Variants in CCDC198 observed in about 807,000 individuals in gnomAD.
The protein encoded by CCDC198 is factor associated with metabolism and energy.
In CCDC198, 18 loss-of-function variants were observed where a neutral mutation model predicts 35.6. That is an observed-to-expected ratio of 0.51 (90% confidence interval 0.35 to 0.75). The LOEUF (loss-of-function observed/expected upper bound fraction) is 0.75, where lower values mean the gene tolerates loss of function less well. Among genes scored for constraint, CCDC198 ranks in the 30% least tolerant of loss-of-function variants. The pLI is 0.01. For missense variants in CCDC198, 365 were observed against 343.7 expected (o/e 1.06, Z -0.49); for synonymous variants, 119 against 113.4 (o/e 1.05, Z -0.31).
chr14:57,477,581 C>T (rs1002492882), intron 5 of CCDC198, among the ~76,000 whole-genome samples: 1 of 152,064 alleles, frequency 6.6e-6, no homozygotes, highest in South Asian at 2.1e-4. Flanking sequence ...TTATCTAGTC[C>T]ATCTAAGTTT....
At position 57,493,687 on chromosome 14, in the gene CCDC198, A is replaced by AG. The variant is rs772754262; in HGVS notation, c.28dup (p.Leu10ProfsTer2). The AG allele has an allele frequency of 3.7e-6, 6 of 1,613,578 alleles. No individual in the cohort carries two copies. The highest frequency in any genetic ancestry group is 1.1e-5 in the South Asian group (1 of 91,084). ...CAAAGGTGCTACTTTGATCACCCTA[A>AG]GGTGAGTCTTAGAGTGACTCAGGCC... On this transcript the variant is annotated frameshift_variant, in exon 1 of 6. Coordinates refer to ENST00000216445, the MANE Select transcript of CCDC198 (RefSeq NM_018168.4). LOFTEE classifies it high-confidence loss of function.
intron 2 of CCDC198, among the ~76,000 whole-genome samples, chr14:57,486,431 A>C (rs985008989): frequency 6.6e-6 from 1 of 151,864 alleles, no homozygotes; most frequent in Non-Finnish European, 1.5e-5. Flanking sequence ...TTTCTGCACT[A>C]TATGTTATCC....
At chr14:57,479,177 G>C (rs561196058) in intron 5 of CCDC198, among the ~76,000 whole-genome samples, 3 of 152,176 alleles carry the variant, frequency 2.0e-5, no homozygotes, top group African/African-American at 7.2e-5. Flanking sequence ...GGCTGGGTGC[G>C]AGAGTGGCAG....
chr14:57,471,715 TTATATATATATATAATA>T (rs951847153), intron 5 of CCDC198, 125 bp from the exon 6 acceptor site: 23 of 138,400 alleles, frequency 1.7e-4, no homozygotes, highest in African/African-American at 8.5e-4. Context: ...GTTTGAAAAA[TTATATATATATATAATA>T]TATATATATA....
intron 5 of CCDC198, among the ~76,000 whole-genome samples, chr14:57,478,087 C>T (rs2067063303): frequency 6.6e-6 from 1 of 152,118 alleles, no homozygotes; most frequent in Non-Finnish European, 1.5e-5. Context: ...TTGGTTCCTG[C>T]CTGAGTTACT....
At chr14:57,473,709 A>G (rs1483226713) in intron 5 of CCDC198, among the ~76,000 whole-genome samples, 1 of 152,132 alleles carries the variant, frequency 6.6e-6, no homozygotes, top group Non-Finnish European at 1.5e-5. Flanking sequence ...GTGTAGACAG[A>G]GTGACATTTA....
At chr14:57,472,478 A>T (rs1342661158) in intron 5 of CCDC198, among the ~76,000 whole-genome samples, 1 of 152,208 alleles carries the variant, frequency 6.6e-6, no homozygotes, top group Non-Finnish European at 1.5e-5. Flanking sequence ...AATATTGCAC[A>T]GGTGACATTG....
At chr14:57,475,292 A>G (rs1566572617) in intron 5 of CCDC198, 1 of 780,806 alleles carries the variant, frequency 1.3e-6, no homozygotes, top group Non-Finnish European at 1.6e-6. Flanking sequence ...AAATAAATAA[A>G]TAAATAAAAT....
chr14:57,480,458 T>G, intron 5 of CCDC198, 137 bp downstream of exon 5: 1 of 1,220,824 alleles, frequency 8.2e-7, no homozygotes, highest in Non-Finnish European at 1.1e-6. Flanking sequence ...ATGCCCACTA[T>G]ATTCTGGGAA....
At chr14:57,474,159 C>T (rs377655547) in intron 5 of CCDC198, among the ~76,000 whole-genome samples, 25 of 152,310 alleles carry the variant, frequency 1.6e-4, no homozygotes, top group African/African-American at 5.3e-4. Context: ...TACAATGAAA[C>T]GACCACACAA....
Position 57,481,496 on chromosome 14 carries a change from A to T in CCDC198, c.495+63T>A, listed in dbSNP as rs1002995976. ...CTGGCTATCTATGCTTGATATATTC[A>T]TGTGGCAGGGCAGTGATTATGTGAT... On this transcript the variant is annotated intron_variant, in intron 4 of 5. Transcript: ENST00000216445. 10 of 1,124,060 alleles carry T rather than the reference A, an allele frequency of 8.9e-6. No individual in the cohort carries two copies. In the Admixed American group the frequency reaches 1.8e-4, roughly 20 times the overall value. 69.6% of individuals were successfully genotyped at this position (1,124,060 alleles called of 1,614,324 possible). A position where few individuals can be genotyped will look rare whatever the true frequency, so the allele number is the denominator to read the frequency against.
At position 57,471,456 on chromosome 14, in the gene CCDC198, C is replaced by T; in HGVS notation, c.790G>A (p.Asp264Asn). ...TCATCTTTCCCCTGCTCATCTGAGT[C>T]AGAGCTGGAACTGTCCCAGAGAAGC... ...GQLLWDSSSS[D>N]SDEQGKDEKK... The change falls in exon 6 of 6, where the codon GAC becomes AAC. Residue 264 changes from aspartate (D) to asparagine (N), a missense_variant. Coordinates refer to ENST00000216445, the MANE Select transcript of CCDC198 (RefSeq NM_018168.4). The T allele has an allele frequency of 6.2e-7, 1 of 1,613,988 alleles. No individual in the cohort carries two copies. The highest frequency in any genetic ancestry group is 8.5e-7 in the Non-Finnish European group (1 of 1,179,960).
chr14:57,493,471 T>C, intron 1 of CCDC198, 22 bp downstream of exon 1: 1 of 1,585,306 alleles, frequency 6.3e-7, no homozygotes, highest in South Asian at 1.1e-5. Flanking sequence ...TACACACATC[T>C]CATGCTGGGT....
chr14:57,493,384 C>T (rs140409353), intron 1 of CCDC198, 109 bp downstream of exon 1: 3 of 941,040 alleles, frequency 3.2e-6, no homozygotes, highest in Admixed American at 2.3e-5. Flanking sequence ...AATTCCTTTA[C>T]ATTTCAGGAA....
chr14:57,485,296 A>T (rs1373130495), intron 2 of CCDC198, among the ~76,000 whole-genome samples: 1 of 151,944 alleles, frequency 6.6e-6, no homozygotes, highest in Non-Finnish European at 1.5e-5. Flanking sequence ...ACAACTGCAG[A>T]CTCCAGGAGT....
intron 5 of CCDC198, among the ~76,000 whole-genome samples, chr14:57,479,892 C>T (rs529723486): frequency 2.0e-5 from 3 of 152,208 alleles, no homozygotes; most frequent in African/African-American, 7.2e-5. Flanking sequence ...GACAGTAAGA[C>T]CTAATGGGAG....
chr14:57,473,327 AC>A (rs2066878901), intron 5 of CCDC198, among the ~76,000 whole-genome samples: 1 of 152,108 alleles, frequency 6.6e-6, no homozygotes, highest in Non-Finnish European at 1.5e-5. Context: ...AAAACTGGAC[AC>A]CTCCACTTTG....
At chr14:57,484,024 G>A (rs1042837959) in intron 2 of CCDC198, among the ~76,000 whole-genome samples, 7 of 151,618 alleles carry the variant, frequency 4.6e-5, no homozygotes, top group African/African-American at 1.7e-4. Flanking sequence ...TTACACTGCA[G>A]GGCAGAAAAA....
chr14:57,480,460 T>C (rs2067143384), intron 5 of CCDC198, 135 bp downstream of exon 5: 1 of 1,231,712 alleles, frequency 8.1e-7, no homozygotes, highest in African/African-American at 1.5e-5. Context: ...GCCCACTATA[T>C]TCTGGGAAGT....
Sources: allele counts gnomAD v4.1 joint callset (sites outside exome capture counted in the v4.1 genomes callset), GRCh38; gene constraint gnomAD v4.1.1; transcripts MANE v1.5; gene names NCBI Gene and HGNC (gene_info 2026-07-23, HGNC 2026-07-21).